ANKRD6: variants seen among roughly 807,000 people sequenced by gnomAD.
ANKRD6 encodes ankyrin repeat domain-containing protein 6.
Under a neutral mutation model 82.3 loss-of-function variants are expected in ANKRD6, and 56 were observed. That is an observed-to-expected ratio of 0.68 (90% CI 0.55 to 0.85). The LOEUF is 0.85. Among genes scored for constraint, ANKRD6 ranks in the 40% least tolerant of loss-of-function variants. The probability of loss-of-function intolerance (pLI) is 0.00; values close to 1 mark genes in which losing one functional copy is unlikely to be tolerated. For missense variants in ANKRD6, 852 were observed against 907.6 expected, an observed-to-expected ratio of 0.94 and a Z score of 0.79; for synonymous variants, 347 against 352.1, an observed-to-expected ratio of 0.99 and a Z score of 0.16.
chr6:89,530,058 A>G (rs1175534986), intron 1 of ANKRD6, among the ~76,000 whole-genome samples: 1 of 152,036 alleles, frequency 6.6e-6, no homozygotes, highest in Non-Finnish European at 1.5e-5. Context: ...GGTCGAGACC[A>G]GCCTGGGCAA....
chr6:89,505,918 C>G (rs559353113), intron 1 of ANKRD6, among the ~76,000 whole-genome samples: 1 of 152,136 alleles, frequency 6.6e-6, no homozygotes, highest in African/African-American at 2.4e-5. Context: ...CGAAAACATG[C>G]GTGAACCTGC....
intron 2 of ANKRD6, among the ~76,000 whole-genome samples, chr6:89,578,745 C>T (rs140052114): frequency 1.9e-3 from 296 of 152,260 alleles, no homozygotes; most frequent in Non-Finnish European, 3.0e-3. Flanking sequence ...TGGTTGAAAT[C>T]CTTACCACAG....
intron 1 of ANKRD6, among the ~76,000 whole-genome samples, chr6:89,541,349 G>T: frequency 7.1e-6 from 1 of 141,026 alleles, no homozygotes; most frequent in African/African-American, 2.6e-5. Flanking sequence ...TCACTTCTTT[G>T]GTTAAGTTTA....
intron 3 of ANKRD6, among the ~76,000 whole-genome samples, chr6:89,599,999 A>C (rs1472000461): frequency 6.6e-6 from 1 of 152,144 alleles, no homozygotes; most frequent in Admixed American, 6.5e-5. Context: ...AGGACAGCCA[A>C]AAGGTCCCCC....
At chr6:89,587,286 C>T (rs939112000) in intron 2 of ANKRD6, among the ~76,000 whole-genome samples, 3 of 151,164 alleles carry the variant, frequency 2.0e-5, no homozygotes, top group African/African-American at 4.9e-5. Context: ...GTCAAGAGAT[C>T]AAGACCCTCC....
At chr6:89,450,440 G>T (rs1005582363) in intron 1 of ANKRD6, among the ~76,000 whole-genome samples, 10 of 152,164 alleles carry the variant, frequency 6.6e-5, no homozygotes, top group African/African-American at 2.4e-4. Context: ...TTGAGACAAG[G>T]CCCTCCACTA....
At chr6:89,436,956 T>C (rs1019600935) in intron 1 of ANKRD6, among the ~76,000 whole-genome samples, 2 of 152,190 alleles carry the variant, frequency 1.3e-5, no homozygotes, top group African/African-American at 2.4e-5. Flanking sequence ...GGTGGGTTCC[T>C]TTATAAACCT....
rs140334641 is a variant in ANKRD6, at chr6:89,595,652, TGAGTG to T, written c.121-260_121-256del. Among the ~76,000 whole-genome samples, 69 of 152,314 alleles carry T rather than the reference TGAGTG, an allele frequency of 4.5e-4. No homozygotes were observed. In the East Asian group the frequency reaches 0.012, roughly 27 times the overall value. On this transcript the variant is annotated intron_variant, in intron 2 of 15. Transcript: ENST00000339746. ...CTCGTTTTGCTACTTGATAGTCTGA[TGAGTG>T]GAGAGTAGAAATAATGCACTAAAGG...
rs1941323326 is a variant in ANKRD6, at chr6:89,496,038, G to A, written c.-144+62663G>A. 2.0e-5 allele frequency among the ~76,000 whole-genome samples: 3 copies of A among 152,164 alleles called. No homozygotes were observed. The South Asian group carries it at 6.2e-4, about 32-fold the overall frequency. ...CCCAAGAAAGAGAAAGAATCCTGGAGCTAACTGGTGGCCACCTTCAGTCTT... is the reference window on the plus strand; with the variant it reads ...CCCAAGAAAGAGAAAGAATCCTGGAACTAACTGGTGGCCACCTTCAGTCTT... On this transcript the variant is annotated intron_variant, in intron 1 of 15. Coordinates refer to ENST00000339746, the MANE Select transcript of ANKRD6 (RefSeq NM_001242809.2).
chr6:89,559,603 T>C (rs1191017129), intron 1 of ANKRD6, among the ~76,000 whole-genome samples: 1 of 152,210 alleles, frequency 6.6e-6, no homozygotes, highest in Non-Finnish European at 1.5e-5. Flanking sequence ...TGTGATGCTG[T>C]GTTAATTATT....
intron 1 of ANKRD6, among the ~76,000 whole-genome samples, chr6:89,478,756 C>CA (rs139491926): frequency 0.52 from 55,746 of 107,634 alleles, 12,918 homozygotes; most frequent in African/African-American, 0.63. Context: ...GACTCTGTCT[C>CA]AAAAAAAAAA....
chr6:89,616,940 A>G (rs1801730346), intron 8 of ANKRD6: 2 of 574,400 alleles, frequency 3.5e-6, no homozygotes, highest in Non-Finnish European at 6.6e-6. Flanking sequence ...TAAACTGACG[A>G]GTGGATGTTA....
At chr6:89,549,645 G>A (rs544573071) in intron 1 of ANKRD6, among the ~76,000 whole-genome samples, 42 of 152,234 alleles carry the variant, frequency 2.8e-4, no homozygotes, top group African/African-American at 9.4e-4. Flanking sequence ...AAAACAACTT[G>A]GAGTTTATTC....
intron 2 of ANKRD6, among the ~76,000 whole-genome samples, chr6:89,592,613 C>T (rs1417734022): frequency 6.6e-6 from 1 of 152,180 alleles, no homozygotes; most frequent in East Asian, 1.9e-4. Context: ...CAGAAGTGAT[C>T]TTCTTTGAAC....
intron 2 of ANKRD6, 117 bp from the exon 3 acceptor site, chr6:89,595,799 G>C (rs1795763882): frequency 2.7e-6 from 2 of 746,942 alleles, no homozygotes; most frequent in Non-Finnish European, 4.6e-6. Flanking sequence ...ATCCAAAGGG[G>C]CAGGAGGGAG....
At chr6:89,517,235 T>G (rs1363480261) in intron 1 of ANKRD6, among the ~76,000 whole-genome samples, 1 of 152,222 alleles carries the variant, frequency 6.6e-6, no homozygotes, top group Non-Finnish European at 1.5e-5. Flanking sequence ...ACCTATACAG[T>G]TGGTCTGACA....
chr6:89,439,721 C>T (rs560659364), intron 1 of ANKRD6, among the ~76,000 whole-genome samples: 14 of 152,244 alleles, frequency 9.2e-5, no homozygotes, highest in African/African-American at 3.4e-4. Context: ...TTTTCCGAGA[C>T]AGGGTCTCAT....
At chr6:89,555,176 A>C (rs931312802) in intron 1 of ANKRD6, among the ~76,000 whole-genome samples, 3 of 141,714 alleles carry the variant, frequency 2.1e-5, no homozygotes, top group East Asian at 4.3e-4. Flanking sequence ...ATTCTATCTC[A>C]ACTCTCCCGC....
chr6:89,619,455 G>A (rs983786235), intron 9 of ANKRD6: 4 of 152,104 alleles, frequency 2.6e-5, no homozygotes, highest in African/African-American at 9.7e-5. Flanking sequence ...AAGATTGACG[G>A]ATCTTTAATC....
Sources: allele counts gnomAD v4.1 joint callset (sites outside exome capture counted in the v4.1 genomes callset), GRCh38; gene constraint gnomAD v4.1.1; transcripts MANE v1.5; gene names NCBI Gene and HGNC (gene_info 2026-07-23, HGNC 2026-07-21).